Variants in VPS13A observed in about 807,000 individuals in gnomAD.
The protein encoded by VPS13A is intermembrane lipid transfer protein VPS13A.
Under a neutral mutation model 390.9 loss-of-function variants are expected in VPS13A, and 264 were observed. The ratio of observed to expected loss-of-function variants is 0.68; its 90% CI spans 0.61 to 0.75. The LOEUF (loss-of-function observed/expected upper bound fraction) is 0.75. VPS13A is among the 30% of genes least tolerant of loss of function. The pLI is 0.00. For synonymous variants in VPS13A, 1,231 were observed against 1,227.1 expected, an observed-to-expected ratio of 1.00 and a Z score of -0.07; for missense variants, 3,409 against 3,733.9, an observed-to-expected ratio of 0.91 and a Z score of 2.27.
chr9:77,293,594 C>T, intron 32 of VPS13A, 86 bp downstream of exon 32: 1 of 795,190 alleles, frequency 1.3e-6, no homozygotes, highest in Non-Finnish European at 1.8e-6. Flanking sequence ...GTAAGAATTC[C>T]TTGCTTGAGA....
intron 10 of VPS13A, among the ~76,000 whole-genome samples, chr9:77,219,486 C>G (rs1351463272): frequency 6.6e-6 from 1 of 152,120 alleles, no homozygotes; most frequent in Non-Finnish European, 1.5e-5. Flanking sequence ...AGCAAACTTT[C>G]ACTCTTCATC....
At chr9:77,205,911 AT>A in intron 4 of VPS13A, 66 bp from the exon 5 acceptor site, 14 of 1,249,792 alleles carry the variant, frequency 1.1e-5, no homozygotes, top group Admixed American at 4.3e-5. Context: ...ATTTGTAAGG[AT>A]TTTTTTGGAA....
intron 2 of VPS13A, among the ~76,000 whole-genome samples, chr9:77,200,617 T>G (rs760375840): frequency 6.6e-6 from 1 of 152,106 alleles, no homozygotes; most frequent in Non-Finnish European, 1.5e-5. Context: ...AGTGCAGTGG[T>G]GTGATCATAG....
intron 13 of VPS13A, among the ~76,000 whole-genome samples, chr9:77,222,892 T>C (rs1455560023): frequency 6.6e-6 from 1 of 152,230 alleles, no homozygotes; most frequent in African/African-American, 2.4e-5. Flanking sequence ...GACTCTAGTC[T>C]ACTCTTGTGC....
At chr9:77,202,260 C>G (rs990812749) in intron 3 of VPS13A, among the ~76,000 whole-genome samples, 1 of 152,096 alleles carries the variant, frequency 6.6e-6, no homozygotes, top group Non-Finnish European at 1.5e-5. Flanking sequence ...CCTCCCCACT[C>G]CTACCTTTTA....
chr9:77,190,614 C>G (rs1281777482), intron 1 of VPS13A, among the ~76,000 whole-genome samples: 1 of 152,142 alleles, frequency 6.6e-6, no homozygotes, highest in Non-Finnish European at 1.5e-5. Context: ...AGGGAGGAGT[C>G]CCTCCTTCTC....
intron 31 of VPS13A, among the ~76,000 whole-genome samples, chr9:77,289,033 C>T (rs910618465): frequency 3.3e-5 from 5 of 152,050 alleles, no homozygotes; most frequent in South Asian, 2.1e-4. Flanking sequence ...CAGGTTTCTT[C>T]GGTTAGGTTT....
intron 17 of VPS13A, among the ~76,000 whole-genome samples, chr9:77,229,533 TG>T: frequency 1.3e-5 from 2 of 152,208 alleles, no homozygotes; most frequent in Non-Finnish European, 2.9e-5. Context: ...ATACAATATC[TG>T]GTCTTTTCTG....
intron 40 of VPS13A, among the ~76,000 whole-genome samples, chr9:77,317,954 TTCA>T (rs759234125): frequency 3.9e-5 from 6 of 151,902 alleles, no homozygotes; most frequent in Non-Finnish European, 7.4e-5. Flanking sequence ...TACTTTATAC[TTCA>T]TCAGTTTAAT....
At chr9:77,306,414 TTGTGTGTGTGTGTGTG>T (rs60382346) in intron 34 of VPS13A, among the ~76,000 whole-genome samples, 1 of 140,782 alleles carries the variant, frequency 7.1e-6, no homozygotes, top group Non-Finnish European at 1.5e-5. Context: ...GTGTGTGTGT[TTGTGTGTGTGTGTGTG>T]TGTGTGTGTG....
intron 32 of VPS13A, among the ~76,000 whole-genome samples, chr9:77,294,204 A>G (rs186100335): frequency 3.9e-5 from 6 of 152,242 alleles, no homozygotes; most frequent in Admixed American, 3.3e-4. Flanking sequence ...TACAGGCATT[A>G]TGTCTGGCCC....
At chr9:77,381,339 A>G (rs1001941808) in intron 67 of VPS13A, among the ~76,000 whole-genome samples, 11 of 152,162 alleles carry the variant, frequency 7.2e-5, no homozygotes, top group Non-Finnish European at 1.6e-4. Flanking sequence ...ATGTGTTTAC[A>G]GTAATACACA....
chr9:77,209,687 A>G (rs543626589), intron 6 of VPS13A, among the ~76,000 whole-genome samples, 155 bp downstream of exon 6: 2 of 152,306 alleles, frequency 1.3e-5, no homozygotes, highest in South Asian at 4.1e-4. Context: ...TTATAGTTGT[A>G]ATTTGCAGTC....
Position 77,318,019 on chromosome 9 carries a change from ATC to A in VPS13A, c.4957-214_4957-213del, listed in dbSNP as rs552733361. On this transcript the variant is annotated intron_variant, in intron 40 of 71. Coordinates refer to ENST00000360280, the MANE Select transcript of VPS13A (RefSeq NM_033305.3). Reference sequence around the variant, plus strand: ...AATATCATGTAATTCATGGAATAATATCTGCAAGATTCATGTAAATATCTGCA... The same window carrying A: ...AATATCATGTAATTCATGGAATAATATGCAAGATTCATGTAAATATCTGCA... Among the ~76,000 whole-genome samples the A allele has an allele frequency of 3.3e-5, 5 of 152,058 alleles. No homozygotes were observed. In the South Asian group the frequency reaches 1.0e-3, roughly 31 times the overall value.
Position 77,318,314 on chromosome 9 carries a change from C to A in VPS13A, c.5036C>A (p.Thr1679Lys). ...YTTKETIPEE[T>K]ASSTAHLWEK... The stretch of plus-strand genomic sequence containing the variant: ...ACTAAGGAAACCATCCCAGAAGAAA[C>A]GGCTTCTTCTACTGCACATTTATGG... The change falls in exon 41 of 72, where the codon ACG becomes AAG. Residue 1679 changes from threonine to lysine, a missense_variant. This residue lies in a region of VPS13A where 2,717 missense variants were observed against 2,917.4 expected (regional missense o/e 0.93). Transcript: ENST00000360280. 1 of 1,610,982 alleles carries A rather than the reference C, an allele frequency of 6.2e-7. No homozygotes were observed. Among genetic ancestry groups the A allele is most frequent in the Non-Finnish European group, 8.5e-7 (1 of 1,179,208 alleles).
chr9:77,188,393 C>T (rs72740396), intron 1 of VPS13A, among the ~76,000 whole-genome samples: 11,991 of 152,234 alleles, frequency 0.079, 584 homozygotes, highest in East Asian at 0.12. Flanking sequence ...TGTGATAACT[C>T]GCTTAGGATA....
intron 67 of VPS13A, 73 bp downstream of exon 67, chr9:77,371,222 G>T (rs1394100105): frequency 4.4e-6 from 7 of 1,597,576 alleles, no homozygotes; most frequent in Non-Finnish European, 6.0e-6. Flanking sequence ...CTGCTCTTTG[G>T]CTTCAGGCAT....
At chr9:77,267,543 C>T (rs759028007) in intron 23 of VPS13A, among the ~76,000 whole-genome samples, 2 of 152,190 alleles carry the variant, frequency 1.3e-5, no homozygotes, top group East Asian at 1.9e-4. Flanking sequence ...CTGGAAGCTT[C>T]GTCCCAGAGG....
intron 67 of VPS13A, among the ~76,000 whole-genome samples, chr9:77,374,034 A>T (rs1361468955): frequency 6.6e-6 from 1 of 152,220 alleles, no homozygotes; most frequent in Non-Finnish European, 1.5e-5. Context: ...GCTATATATC[A>T]ATTATAAAAT....
Sources: gnomAD v4.1 joint callset for allele counts (sites outside exome capture counted in the v4.1 genomes callset) on GRCh38, gnomAD v4.1.1 for gene constraint, gnomAD v4.1.1 regional missense constraint, MANE v1.5 for transcripts, NCBI Gene and HGNC (gene_info 2026-07-23, HGNC 2026-07-21) for gene names.